MRTFB: variants seen among roughly 807,000 people sequenced by gnomAD.
MRTFB encodes the protein myocardin related transcription factor B, also known as myocardin-related transcription factor B.
A neutral mutation model predicts 104.2 loss-of-function variants in MRTFB; 29 were observed. That is an observed-to-expected ratio of 0.28 (90% CI 0.21 to 0.38). The LOEUF (loss-of-function observed/expected upper bound fraction) is 0.38, where lower values mean the gene tolerates loss of function less well. MRTFB is among the 10% of genes least tolerant of loss of function. The pLI, the probability that MRTFB is intolerant of heterozygous loss-of-function variation, is 1.00. For synonymous variants in MRTFB, 535 were observed against 519.5 expected (o/e 1.03, Z -0.41); for missense variants, 1,270 against 1,341.6 (o/e 0.95, Z 0.83).
At chr16:14,108,613 C>T (rs2036117271) in intron 2 of MRTFB, among the ~76,000 whole-genome samples, 1 of 152,164 alleles carries the variant, frequency 6.6e-6, no homozygotes, top group African/African-American at 2.4e-5. Flanking sequence ...ATTTAAGACT[C>T]CTACCCCAGG....
At chr16:14,060,979 T>C in the MRTFB span, among the ~76,000 whole-genome samples, 15 of 152,102 alleles carry the variant, frequency 9.9e-5, no homozygotes, top group South Asian at 6.2e-4. Flanking sequence ...ACCCTGTCTC[T>C]ACTAAAAATA....
chr16:14,184,873 G>A (rs1052426214), intron 3 of MRTFB, among the ~76,000 whole-genome samples: 13 of 152,172 alleles, frequency 8.5e-5, no homozygotes, highest in African/African-American at 3.1e-4. Context: ...TTCCATACCT[G>A]CTACTTAGAA....
chr16:14,249,770 A>G (rs933977080), intron 13 of MRTFB, among the ~76,000 whole-genome samples: 2 of 152,252 alleles, frequency 1.3e-5, no homozygotes, highest in Non-Finnish European at 2.9e-5. Context: ...TGCCTCAAAA[A>G]TAGGTCTTAC....
At chr16:14,120,466 G>A (rs898760387) in intron 2 of MRTFB, among the ~76,000 whole-genome samples, 4 of 151,866 alleles carry the variant, frequency 2.6e-5, no homozygotes, top group African/African-American at 9.7e-5. Flanking sequence ...ATTTATTTCT[G>A]TGTGTGCATA....
chr16:14,071,406 G>A lies in MRTFB; in HGVS notation c.-129+41G>A, dbSNP rs1220856607. The A allele has an allele frequency of 1.9e-5, 3 of 155,788 alleles. No homozygotes were observed. In the South Asian group the frequency reaches 5.2e-4, roughly 27 times the overall value. 9.7% of individuals were successfully genotyped at this position (155,788 alleles called of 1,614,324 possible). A position where few individuals can be genotyped will look rare whatever the true frequency, so the allele number is the denominator to read the frequency against. On this transcript the variant is annotated intron_variant, in intron 1 of 16. Transcript: ENST00000571589. ...TGGCGGCCGTTGGGGGCTGAGGCCG[G>A]GTGAGAGCGGCCGAGACCGAGGGCT... is the stretch of plus-strand genomic sequence containing the variant.
At chr16:14,003,660 CCCTCCCTCCCTTCCTT>C in the MRTFB span, among the ~76,000 whole-genome samples, 1 of 38,808 alleles carries the variant, frequency 2.6e-5, no homozygotes, top group Non-Finnish European at 9.9e-5. Context: ...CTCCCTCCCT[CCCTCCCTCCCTTCCTT>C]CCTTCCTTCC....
At chr16:14,165,130 A>G (rs2039188586) in intron 3 of MRTFB, among the ~76,000 whole-genome samples, 1 of 151,646 alleles carries the variant, frequency 6.6e-6, no homozygotes, top group South Asian at 2.1e-4. Context: ...TTCCTATCAG[A>G]TGGGGTTGTA....
At chr16:14,105,398 T>C (rs532283939) in intron 2 of MRTFB, among the ~76,000 whole-genome samples, 1 of 150,314 alleles carries the variant, frequency 6.7e-6, no homozygotes, top group South Asian at 2.2e-4. Flanking sequence ...ATCCTTCTCT[T>C]ATGATTTTTT....
At chr16:14,072,903 CGAA>C (rs998087426) in intron 1 of MRTFB, among the ~76,000 whole-genome samples, 1 of 152,054 alleles carries the variant, frequency 6.6e-6, no homozygotes, top group African/African-American at 2.4e-5. Flanking sequence ...GTCACACACT[CGAA>C]GGGACAATAC....
intron 2 of MRTFB, among the ~76,000 whole-genome samples, chr16:14,106,860 G>A (rs2036006611): frequency 6.6e-6 from 1 of 152,150 alleles, no homozygotes; most frequent in Non-Finnish European, 1.5e-5. Flanking sequence ...ACTTAGTTGA[G>A]AATGAAAATG....
At chr16:14,212,467 A>G (rs2041235178) in intron 5 of MRTFB, 58 bp downstream of exon 5, 2 of 1,507,708 alleles carry the variant, frequency 1.3e-6, no homozygotes, top group Admixed American at 1.7e-5. Flanking sequence ...TCTCTTCTAA[A>G]ATACCTGTGT....
intron 3 of MRTFB, among the ~76,000 whole-genome samples, chr16:14,182,107 C>A (rs896832706): frequency 1.3e-5 from 2 of 152,160 alleles, no homozygotes; most frequent in African/African-American, 4.8e-5. Flanking sequence ...GGAACAAGGG[C>A]AAACCTACTG....
intron 13 of MRTFB, among the ~76,000 whole-genome samples, chr16:14,251,445 T>C (rs1005310674): frequency 1.3e-5 from 2 of 150,578 alleles, no homozygotes; most frequent in African/African-American, 4.9e-5. Context: ...TAGAAGAAAT[T>C]CAGCTATCAT....
At chr16:14,022,587 G>C in the MRTFB span, among the ~76,000 whole-genome samples, 1 of 152,030 alleles carries the variant, frequency 6.6e-6, no homozygotes, top group Non-Finnish European at 1.5e-5. Context: ...AGTAAAGACA[G>C]GGTTTCACCA....
At chr16:14,057,673 C>G in the MRTFB span, among the ~76,000 whole-genome samples, 1 of 152,136 alleles carries the variant, frequency 6.6e-6, no homozygotes, top group Non-Finnish European at 1.5e-5. Flanking sequence ...GTTTTTCCGT[C>G]CTTTCATAAC....
chr16:14,073,908 GC>G (rs1415293181), intron 1 of MRTFB, among the ~76,000 whole-genome samples: 2 of 152,140 alleles, frequency 1.3e-5, no homozygotes, highest in African/African-American at 2.4e-5. Flanking sequence ...TTCAAACTTT[GC>G]TAGTCTTGCT....
At chr16:14,099,231 T>G (rs997778082) in intron 2 of MRTFB, among the ~76,000 whole-genome samples, 1 of 152,166 alleles carries the variant, frequency 6.6e-6, no homozygotes, top group Non-Finnish European at 1.5e-5. Flanking sequence ...AATTTATTTA[T>G]ATTTTTTAAA....
the MRTFB span, among the ~76,000 whole-genome samples, chr16:14,028,082 C>T: frequency 1.3e-5 from 2 of 152,116 alleles, no homozygotes; most frequent in African/African-American, 4.8e-5. Flanking sequence ...GAGGCTGAGG[C>T]ATGAGAATAG....
intron 3 of MRTFB, among the ~76,000 whole-genome samples, chr16:14,157,049 T>C (rs2038854514): frequency 6.6e-6 from 1 of 152,250 alleles, no homozygotes; most frequent in African/African-American, 2.4e-5. Flanking sequence ...TACATGCATA[T>C]AAACTATTTT....
Sources: allele counts gnomAD v4.1 joint callset (sites outside exome capture counted in the v4.1 genomes callset), GRCh38; gene constraint gnomAD v4.1.1; transcripts MANE v1.5; gene names NCBI Gene and HGNC (gene_info 2026-07-23, HGNC 2026-07-21).